Variants in LEMD1 observed in about 807,000 individuals in gnomAD.
LEMD1 encodes the protein LEM domain containing 1, also known as LEM domain-containing protein 1.
Under a neutral mutation model 17.4 loss-of-function variants are expected in LEMD1, and 18 were observed. That is an observed-to-expected ratio of 1.04 (90% CI 0.72 to 1.54). The LOEUF (loss-of-function observed/expected upper bound fraction) is 1.54, where lower values mean the gene tolerates loss of function less well. Ranked by LOEUF, LEMD1 falls within the 40% of genes most tolerant of loss-of-function variation. The pLI is 0.00. For missense variants in LEMD1, 195 were observed against 210.4 expected (o/e 0.93, Z 0.45); for synonymous variants, 88 against 77.8 (o/e 1.13, Z -0.69).
At chr1:205,392,304 T>C (rs1183360232) in intron 4 of LEMD1, among the ~76,000 whole-genome samples, 1 of 152,032 alleles carries the variant, frequency 6.6e-6, no homozygotes, top group East Asian at 1.9e-4. Flanking sequence ...AGAAGTAGAA[T>C]ATATAAAGAA....
chr1:205,416,513 T>C (rs533061313), intron 3 of LEMD1, among the ~76,000 whole-genome samples: 1 of 152,296 alleles, frequency 6.6e-6, no homozygotes, highest in South Asian at 2.1e-4. Context: ...ATAAGGCCTG[T>C]CATATTTGCA....
intron 4 of LEMD1, among the ~76,000 whole-genome samples, chr1:205,404,265 TTC>T (rs912750182): frequency 1.3e-5 from 2 of 152,088 alleles, no homozygotes; most frequent in Non-Finnish European, 2.9e-5. Flanking sequence ...CTTGTTAACT[TTC>T]TGTCTCGTTG....
chr1:205,398,980 C>T (rs947789897), intron 4 of LEMD1, among the ~76,000 whole-genome samples: 2 of 152,060 alleles, frequency 1.3e-5, no homozygotes, highest in African/African-American at 4.8e-5. Flanking sequence ...TTTGGGAGGC[C>T]AAGGCGGGTG....
Position 205,418,592 on chromosome 1 carries a change from T to G in LEMD1, c.205+638A>C, listed in dbSNP as rs547122457. On this transcript the variant is annotated intron_variant, in intron 3 of 5. Coordinates refer to ENST00000367153, the MANE Select transcript of LEMD1 (RefSeq NM_001199050.2). The stretch of plus-strand genomic sequence containing the variant: ...GTACAGTGGTGCCATCTTGGCTCAC[T>G]GCAACCTCCGCCTCCCTGGTTCAGG... Among the ~76,000 whole-genome samples, 16 of 152,326 alleles carry G rather than the reference T, an allele frequency of 1.1e-4. No individual in the cohort carries two copies. The South Asian group carries it at 2.1e-3, about 20-fold the overall frequency.
At chr1:205,431,559 T>C (rs1350331182) in intron 1 of LEMD1, among the ~76,000 whole-genome samples, 1 of 152,100 alleles carries the variant, frequency 6.6e-6, no homozygotes, top group Non-Finnish European at 1.5e-5. Flanking sequence ...TGCTCTTCCC[T>C]CCATAGCCAA....
intron 1 of LEMD1, among the ~76,000 whole-genome samples, chr1:205,445,689 T>C (rs974356618): frequency 2.6e-5 from 4 of 152,216 alleles, no homozygotes; most frequent in Admixed American, 6.5e-5. Flanking sequence ...TGAAATGTCT[T>C]TGTGGCCTGC....
chr1:205,408,723 C>A (rs1197723437), intron 4 of LEMD1, among the ~76,000 whole-genome samples: 2 of 151,868 alleles, frequency 1.3e-5, no homozygotes, highest in Non-Finnish European at 2.9e-5. Context: ...TAGTCTCGAA[C>A]TCCTGGGCTC....
chr1:205,438,882 C>T (rs1666249318), intron 1 of LEMD1, among the ~76,000 whole-genome samples: 1 of 152,204 alleles, frequency 6.6e-6, no homozygotes, highest in African/African-American at 2.4e-5. Flanking sequence ...CAATCCCTGC[C>T]AAGGCCTGAG....
chr1:205,446,628 G>C (rs2102473348), intron 1 of LEMD1, among the ~76,000 whole-genome samples: 1 of 152,274 alleles, frequency 6.6e-6, no homozygotes, highest in Middle Eastern at 3.4e-3. Flanking sequence ...TTCCAGTTAG[G>C]AGATCAGGAG....
chr1:205,421,554 G>T (rs1320010914), intron 1 of LEMD1, among the ~76,000 whole-genome samples: 1 of 152,122 alleles, frequency 6.6e-6, no homozygotes, highest in Non-Finnish European at 1.5e-5. Flanking sequence ...GTCATGAATT[G>T]TTATATATAA....
intron 4 of LEMD1, among the ~76,000 whole-genome samples, chr1:205,404,255 C>T (rs1664986900): frequency 6.6e-6 from 1 of 151,946 alleles, no homozygotes; most frequent in African/African-American, 2.4e-5. Flanking sequence ...CCTGGGTATC[C>T]TTGTTAACTT....
chr1:205,444,890 G>A (rs1454804331), intron 1 of LEMD1, among the ~76,000 whole-genome samples: 4 of 101,406 alleles, frequency 3.9e-5, no homozygotes, highest in East Asian at 2.4e-4. Context: ...TTAACTCCCC[G>A]CCACCCCCCA....
intron 4 of LEMD1, among the ~76,000 whole-genome samples, chr1:205,408,502 CT>C (rs573634699): frequency 0.071 from 9,727 of 136,744 alleles, 334 homozygotes; most frequent in East Asian, 0.12. Context: ...TTCTTTCTTT[CT>C]TTTTTTTTTT....
chr1:205,422,911 C>G (rs1249927422), upstream of LEMD1, among the ~76,000 whole-genome samples: 1 of 152,198 alleles, frequency 6.6e-6, no homozygotes, highest in Non-Finnish European at 1.5e-5. Flanking sequence ...GTCTCCTCCT[C>G]TTTGTCCATA....
chr1:205,403,777 C>A (rs573495322), intron 4 of LEMD1, among the ~76,000 whole-genome samples: 3 of 152,146 alleles, frequency 2.0e-5, no homozygotes, highest in African/African-American at 7.2e-5. Context: ...TTTTTGAGTT[C>A]TTTTAATTGT....
chr1:205,410,978 A>G (rs1055908170), intron 4 of LEMD1, among the ~76,000 whole-genome samples: 1 of 150,414 alleles, frequency 6.6e-6, no homozygotes, highest in African/African-American at 2.4e-5. Flanking sequence ...AGAAGGAAAG[A>G]AAGGAAGGAA....
chr1:205,398,168 T>C (rs567454956), intron 4 of LEMD1, among the ~76,000 whole-genome samples: 4 of 152,346 alleles, frequency 2.6e-5, no homozygotes, highest in Admixed American at 2.6e-4. Flanking sequence ...AAGAAAGGGC[T>C]TATTAAGTAG....
intron 1 of LEMD1, among the ~76,000 whole-genome samples, chr1:205,447,761 G>C (rs985572503): frequency 4.0e-5 from 6 of 151,714 alleles, no homozygotes; most frequent in Admixed American, 1.3e-4. Flanking sequence ...CCGGGGGAGC[G>C]CCTGCCTTCC....
At chr1:205,437,395 A>G (rs1190210298) in intron 1 of LEMD1, 1 of 152,312 alleles carries the variant, frequency 6.6e-6, no homozygotes, top group Admixed American at 6.5e-5. Flanking sequence ...GATGGCCTAG[A>G]CAGGACCTGG....
Sources: allele counts gnomAD v4.1 joint callset (sites outside exome capture counted in the v4.1 genomes callset), GRCh38; gene constraint gnomAD v4.1.1; transcripts MANE v1.5; gene names NCBI Gene and HGNC (gene_info 2026-07-23, HGNC 2026-07-21).